LHFPL7: variants seen among roughly 807,000 people sequenced by gnomAD.
LHFPL7 encodes the protein LHFPL tetraspan subfamily member 7 protein.
At chr22:24,937,797 T>C in the LHFPL7 span, among the ~76,000 whole-genome samples, 2 of 152,350 alleles carry the variant, frequency 1.3e-5, no homozygotes, top group Middle Eastern at 3.4e-3. Context: ...TTCAGCATCT[T>C]CTCAGTTCTC....
the LHFPL7 span, among the ~76,000 whole-genome samples, chr22:24,943,635 A>G: frequency 6.6e-6 from 1 of 152,220 alleles, no homozygotes; most frequent in Admixed American, 6.5e-5. Context: ...GAAGCAAGCC[A>G]TAGAACTGAG....
At chr22:24,940,102 T>C in the LHFPL7 span, among the ~76,000 whole-genome samples, 1 of 149,994 alleles carries the variant, frequency 6.7e-6, no homozygotes, top group African/African-American at 2.4e-5. Context: ...TAATTTTTTG[T>C]ATTTTTAGTA....
At chr22:24,939,652 C>T in the LHFPL7 span, 1 of 662,106 alleles carries the variant, frequency 1.5e-6, no homozygotes, top group Admixed American at 2.2e-5. Context: ...GTGTTATGAT[C>T]AGACCCCAGA....
At chr22:24,939,255 T>G in the LHFPL7 span, 1 of 696,806 alleles carries the variant, frequency 1.4e-6, no homozygotes, top group Non-Finnish European at 2.6e-6. Flanking sequence ...CCTCCTCGAA[T>G]TCCGCTCAGC....
the LHFPL7 span, chr22:24,939,492 C>T: frequency 2.8e-6 from 2 of 703,062 alleles, no homozygotes; most frequent in East Asian, 5.4e-5. Flanking sequence ...GGCTGAGGTG[C>T]AGGTCAGAGA....
the LHFPL7 span, among the ~76,000 whole-genome samples, chr22:24,936,916 C>T: frequency 0.025 from 3,744 of 152,152 alleles, 153 homozygotes; most frequent in African/African-American, 0.086. Flanking sequence ...ACCCCCGCCC[C>T]CCCCGCCGCC....
chr22:24,941,781 T>C, the LHFPL7 span, among the ~76,000 whole-genome samples: 1 of 151,544 alleles, frequency 6.6e-6, no homozygotes, highest in Admixed American at 6.6e-5. Flanking sequence ...GCGATTCTCC[T>C]GCCTCAGCCT....
chr22:24,937,776 A>G, the LHFPL7 span, among the ~76,000 whole-genome samples: 1 of 152,236 alleles, frequency 6.6e-6, no homozygotes, highest in Non-Finnish European at 1.5e-5. Flanking sequence ...CAAGTGAAGT[A>G]TGGACTAGAT....
chr22:24,937,051 CAGACAGA>C, the LHFPL7 span, among the ~76,000 whole-genome samples: 1 of 152,126 alleles, frequency 6.6e-6, no homozygotes, highest in Non-Finnish European at 1.5e-5. Context: ...GATAACCAGG[CAGACAGA>C]CATGTCCTTC....
the LHFPL7 span, among the ~76,000 whole-genome samples, chr22:24,940,630 TGCCC>T: frequency 8.8e-4 from 36 of 40,952 alleles, no homozygotes; most frequent in African/African-American, 2.3e-3. Flanking sequence ...CACACACATA[TGCCC>T]GCCCTTCCTT....
chr22:24,944,492 C>T, the LHFPL7 span, among the ~76,000 whole-genome samples: 2 of 151,914 alleles, frequency 1.3e-5, no homozygotes, highest in South Asian at 2.1e-4. Context: ...GGGAGTGTGC[C>T]CTTGGCACAT....
the LHFPL7 span, chr22:24,935,178 C>G: frequency 1.3e-5 from 13 of 982,474 alleles, no homozygotes; most frequent in East Asian, 3.0e-4. Flanking sequence ...ATGATTTCAA[C>G]TTTCATTTTC....
chr22:24,939,673 C>G, the LHFPL7 span: 22 of 636,972 alleles, frequency 3.5e-5, no homozygotes, highest in East Asian at 3.8e-4. Context: ...TCATCAGCCC[C>G]CCTTGAGCCT....
chr22:24,936,912 G>A, the LHFPL7 span, among the ~76,000 whole-genome samples: 14 of 102,410 alleles, frequency 1.4e-4, no homozygotes, highest in Non-Finnish European at 2.3e-4. Flanking sequence ...TCCAACCCCC[G>A]CCCCCCCCGC....
chr22:24,935,469 G>C, the LHFPL7 span: 94 of 1,613,976 alleles, frequency 5.8e-5, 1 homozygote, highest in African/African-American at 1.1e-3. Context: ...GAGGATAGCA[G>C]TCATGTAACC....
chr22:24,937,091 T>C, the LHFPL7 span, among the ~76,000 whole-genome samples: 1 of 152,208 alleles, frequency 6.6e-6, no homozygotes, highest in African/African-American at 2.4e-5. Flanking sequence ...TGATGTTCTT[T>C]GGAGAAAGAG....
the LHFPL7 span, chr22:24,935,301 A>G: frequency 1.3e-6 from 2 of 1,596,158 alleles, no homozygotes; most frequent in Non-Finnish European, 1.7e-6. Context: ...AAAACTCTGG[A>G]GTGTGCCCTT....
the LHFPL7 span, among the ~76,000 whole-genome samples, chr22:24,940,607 A>C: frequency 8.1e-6 from 1 of 124,178 alleles, no homozygotes; most frequent in African/African-American, 2.7e-5. Context: ...AAAAAAAAAA[A>C]ATAATAATAA....
At chr22:24,936,824 G>C in the LHFPL7 span, among the ~76,000 whole-genome samples, 1 of 152,092 alleles carries the variant, frequency 6.6e-6, no homozygotes, top group Admixed American at 6.5e-5. Flanking sequence ...TCCATGCACT[G>C]GGTCAGGTGT....
Sources: gnomAD v4.1 joint callset for allele counts (sites outside exome capture counted in the v4.1 genomes callset) on GRCh38, gnomAD v4.1.1 for gene constraint, MANE v1.5 for transcripts, NCBI Gene and HGNC (gene_info 2026-07-23, HGNC 2026-07-21) for gene names.